The following CSMD1 variants were observed in gnomAD, a reference collection of about 807,000 sequenced individuals.
CSMD1 encodes CUB and sushi domain-containing protein 1.
CSMD1 carries 213 observed loss-of-function variants against 417.5 expected under a neutral mutation model. That is an observed-to-expected ratio of 0.51 (90% CI 0.46 to 0.57). The LOEUF (loss-of-function observed/expected upper bound fraction) is 0.57. Ranked by LOEUF, CSMD1 falls within the 20% of genes least tolerant of loss-of-function variation. CSMD1 has a pLI of 0.00. For synonymous variants in CSMD1, 2,862 were observed against 1,736.8 expected, an observed-to-expected ratio of 1.65 and a Z score of -16.11; for missense variants, 6,923 against 4,529.7, an observed-to-expected ratio of 1.53 and a Z score of -15.17.
At position 4,679,175 on chromosome 8, in the gene CSMD1, A is replaced by G. The variant is rs117154417; in HGVS notation, c.86-41617T>C. Among the ~76,000 whole-genome samples the G allele has an allele frequency of 9.7e-4, 148 of 152,266 alleles. 4 individuals are homozygous for G. In the East Asian group the frequency reaches 0.025, roughly 25 times the overall value. On this transcript the variant is annotated intron_variant, in intron 1 of 69. Transcript: ENST00000635120. ...CAAGATCAACCACAACGCAAGTTCT[A>G]TTGAATCTGGCTCTGGGAGCTGTCT...
At chr8:3,061,108 T>A (rs2128993640) in intron 49 of CSMD1, among the ~76,000 whole-genome samples, 1 of 152,284 alleles carries the variant, frequency 6.6e-6, no homozygotes, top group Non-Finnish European at 1.5e-5. Context: ...GATTTAGACA[T>A]AGCAAAGTCT....
intron 1 of CSMD1, among the ~76,000 whole-genome samples, chr8:4,845,397 G>A (rs565803666): frequency 1.3e-5 from 2 of 152,182 alleles, no homozygotes; most frequent in Non-Finnish European, 2.9e-5. Context: ...CTGTTTACAA[G>A]TGATATCCAT....
intron 5 of CSMD1, among the ~76,000 whole-genome samples, chr8:3,792,715 G>T (rs1373898212): frequency 2.0e-5 from 3 of 152,122 alleles, no homozygotes; most frequent in Non-Finnish European, 4.4e-5. Context: ...CAGTCAAGTT[G>T]GTGAAAGAGT....
chr8:4,545,523 G>A (rs577753369), intron 2 of CSMD1, among the ~76,000 whole-genome samples: 3 of 151,896 alleles, frequency 2.0e-5, no homozygotes, highest in African/African-American at 4.8e-5. Flanking sequence ...ACGACCCTAC[G>A]AAAGAATCTA....
chr8:4,829,025 T>C (rs542749464), intron 1 of CSMD1, among the ~76,000 whole-genome samples: 1 of 152,188 alleles, frequency 6.6e-6, no homozygotes, highest in East Asian at 1.9e-4. Context: ...TAGAGATACA[T>C]TATGATATTG....
intron 1 of CSMD1, among the ~76,000 whole-genome samples, chr8:4,902,275 T>TAAAAAA (rs199601817): frequency 4.7e-4 from 69 of 146,948 alleles, no homozygotes; most frequent in South Asian, 1.3e-3. Flanking sequence ...CTCTATCTAT[T>TAAAAAA]AAAAAAAAAA....
At chr8:4,115,882 C>T (rs10282838) in intron 3 of CSMD1, among the ~76,000 whole-genome samples, 150,513 of 152,132 alleles carry the variant, frequency 0.99, 74,482 homozygotes, top group East Asian at 1. Context: ...TCTGGGAAAA[C>T]AGGAAGACAG....
intron 47 of CSMD1, among the ~76,000 whole-genome samples, chr8:3,094,548 G>T (rs530061473): frequency 9.2e-4 from 140 of 152,304 alleles, no homozygotes; most frequent in African/African-American, 3.3e-3. Context: ...CAGCACGGCA[G>T]TAAAGGAAGG....
chr8:3,543,323 G>C (rs1214401220), intron 10 of CSMD1, among the ~76,000 whole-genome samples: 2 of 152,184 alleles, frequency 1.3e-5, no homozygotes, highest in African/African-American at 2.4e-5. Context: ...AGGGAGTGAG[G>C]TGAAAAGTCA....
At chr8:3,886,328 C>T (rs1415107258) in intron 5 of CSMD1, among the ~76,000 whole-genome samples, 3 of 152,178 alleles carry the variant, frequency 2.0e-5, no homozygotes, top group African/African-American at 4.8e-5. Flanking sequence ...GGATTACAGG[C>T]GTGGGCCACT....
intron 1 of CSMD1, among the ~76,000 whole-genome samples, chr8:4,739,216 A>C (rs1466632257): frequency 6.6e-6 from 1 of 152,232 alleles, no homozygotes; most frequent in Non-Finnish European, 1.5e-5. Context: ...TATTAAAGCA[A>C]TCCTATGTTG....
intron 2 of CSMD1, among the ~76,000 whole-genome samples, chr8:4,434,320 T>C (rs775655976): frequency 1.4e-4 from 21 of 152,120 alleles, no homozygotes; most frequent in Non-Finnish European, 2.9e-5. Context: ...GAGCTGAGAT[T>C]GCACCATTAC....
chr8:4,397,293 A>G (rs975400652), intron 3 of CSMD1, among the ~76,000 whole-genome samples: 2 of 152,168 alleles, frequency 1.3e-5, no homozygotes, highest in African/African-American at 2.4e-5. Flanking sequence ...TAAGCAGAAC[A>G]TTGTTTTCTA....
At chr8:3,638,579 A>C (rs145972434) in intron 7 of CSMD1, among the ~76,000 whole-genome samples, 280 of 152,306 alleles carry the variant, frequency 1.8e-3, no homozygotes, top group Non-Finnish European at 2.8e-3. Context: ...TGCAAAGTGC[A>C]ATCTGGAAAG....
At chr8:3,776,132 A>C (rs547557638) in intron 5 of CSMD1, among the ~76,000 whole-genome samples, 1 of 151,990 alleles carries the variant, frequency 6.6e-6, no homozygotes, top group African/African-American at 2.4e-5. Flanking sequence ...TCTTACCTGC[A>C]CACACTCTGC....
chr8:3,743,473 T>C lies in CSMD1; in HGVS notation c.931+10457A>G, dbSNP rs374273748. Reference sequence around the variant, plus strand: ...AGACTTCTGAATAAGTAATTGATATTGACTTAGAAGACTGGAAAAAGTTTC... The same window carrying C: ...AGACTTCTGAATAAGTAATTGATATCGACTTAGAAGACTGGAAAAAGTTTC... On this transcript the variant is annotated intron_variant, in intron 6 of 69. Transcript: ENST00000635120. 7.2e-5 allele frequency among the ~76,000 whole-genome samples: 11 copies of C among 152,302 alleles called. No individual in the cohort carries two copies. In the South Asian group the frequency reaches 2.1e-3, roughly 29 times the overall value.
intron 52 of CSMD1, among the ~76,000 whole-genome samples, chr8:3,004,832 T>C (rs1293649267): frequency 6.6e-6 from 1 of 152,140 alleles, no homozygotes; most frequent in African/African-American, 2.4e-5. Flanking sequence ...TTCTACAAAA[T>C]ATGTCATTGG....
In CSMD1 at chr8:3,000,139, T is replaced by A; in HGVS notation, c.8030-8A>T. 1.3e-6 allele frequency: 2 copies of A among 1,526,738 alleles called. No homozygotes were observed. Among genetic ancestry groups the A allele is most frequent in the Non-Finnish European group, 1.8e-6 (2 of 1,131,578 alleles). The allele number at this position is 1,526,738 out of a possible 1,614,324, so 94.6% of individuals were successfully genotyped here. A position where few individuals can be genotyped will look rare whatever the true frequency, so the allele number is the denominator to read the frequency against. On this transcript the variant is annotated splice_region_variant and splice_polypyrimidine_tract_variant and intron_variant, in intron 52 of 69. Transcript: ENST00000635120. ...GGGAACCGCAGTGGCCAGCTAAAAA[T>A]GTTAAACCAATTTTAAAATTTAGAG...
chr8:3,863,207 G>GCCAA (rs1296538785), intron 5 of CSMD1, among the ~76,000 whole-genome samples: 1 of 152,010 alleles, frequency 6.6e-6, no homozygotes, highest in Non-Finnish European at 1.5e-5. Context: ...GACCAGCCTG[G>GCCAA]CCAACATAGT....
Sources: gnomAD v4.1 joint callset for allele counts (sites outside exome capture counted in the v4.1 genomes callset) on GRCh38, gnomAD v4.1.1 for gene constraint, MANE v1.5 for transcripts, NCBI Gene and HGNC (gene_info 2026-07-23, HGNC 2026-07-21) for gene names.